The following TTC28 variants were observed in gnomAD, a reference collection of about 807,000 sequenced individuals.
TTC28 encodes tetratricopeptide repeat domain 28, also known as tetratricopeptide repeat protein 28.
In TTC28, 61 loss-of-function variants were observed where a neutral mutation model predicts 198.0. That is an observed-to-expected ratio of 0.31 (90% CI 0.25 to 0.38). The LOEUF is 0.38. TTC28 is among the 10% of genes least tolerant of loss of function. TTC28 has a pLI of 1.00. For synonymous variants in TTC28, 1,171 were observed against 1,297.8 expected, an observed-to-expected ratio of 0.90 and a Z score of 2.10; for missense variants, 2,678 against 3,164.0, an observed-to-expected ratio of 0.85 and a Z score of 3.69.
chr22:28,118,957 T>C (rs990614195), intron 6 of TTC28, among the ~76,000 whole-genome samples: 7 of 152,222 alleles, frequency 4.6e-5, no homozygotes, highest in African/African-American at 9.7e-5. Context: ...AAATTTTATA[T>C]CTGTTGCATG....
intron 9 of TTC28, 77 bp downstream of exon 9, chr22:28,101,094 A>ACTACT (rs1942134477): frequency 3.8e-6 from 4 of 1,060,544 alleles, no homozygotes; most frequent in Non-Finnish European, 5.4e-6. Flanking sequence ...AAATGCCATC[A>ACTACT]CTACTAGGAC....
Position 28,005,332 on chromosome 22 carries a change from G to A in TTC28, c.4219-3779C>T, listed in dbSNP as rs779954009. Among the ~76,000 whole-genome samples the A allele has an allele frequency of 2.6e-5, 4 of 152,206 alleles. No homozygotes were observed. The highest frequency in any genetic ancestry group is 3.2e-3 in the Middle Eastern group (1 of 316). ...GGGGCACGGTGATGACAGGGGTTCC[G>A]TGAAGGTGCAGTCTTTGTACAAGGA... On this transcript the variant is annotated intron_variant, in intron 14 of 22. Coordinates refer to ENST00000397906, the MANE Select transcript of TTC28 (RefSeq NM_001145418.2). The surrounding 1 kb of genome is among the most constrained non-coding windows in gnomAD (Gnocchi z 4.9).
At chr22:28,147,925 T>G (rs1943507326) in intron 6 of TTC28, among the ~76,000 whole-genome samples, 2 of 152,226 alleles carry the variant, frequency 1.3e-5, no homozygotes, top group Admixed American at 6.5e-5. Context: ...ATTAGTTTCC[T>G]AAGACTAGAT....
chr22:28,447,709 G>C (rs2047723282), intron 2 of TTC28, among the ~76,000 whole-genome samples: 1 of 152,154 alleles, frequency 6.6e-6, no homozygotes, highest in Non-Finnish European at 1.5e-5. Context: ...CAGAATCTGA[G>C]AACAGTAAAC....
chr22:28,378,967 T>C (rs1312266352), intron 2 of TTC28, among the ~76,000 whole-genome samples: 4 of 152,216 alleles, frequency 2.6e-5, no homozygotes, highest in Non-Finnish European at 5.9e-5. Context: ...AGACACATCA[T>C]AATCAATTTT....
chr22:28,378,964 T>C (rs1033552586), intron 2 of TTC28, among the ~76,000 whole-genome samples: 2 of 151,916 alleles, frequency 1.3e-5, no homozygotes, highest in South Asian at 2.1e-4. Flanking sequence ...CCAAGACACA[T>C]CATAATCAAT....
chr22:28,014,203 T>A, intron 14 of TTC28, 45 bp downstream of exon 14: 1 of 1,521,550 alleles, frequency 6.6e-7, no homozygotes, highest in Non-Finnish European at 8.8e-7. Flanking sequence ...TGGTAAGCGA[T>A]GTGTTCTGAT....
intron 2 of TTC28, among the ~76,000 whole-genome samples, chr22:28,429,968 G>A (rs1181037594): frequency 6.7e-6 from 1 of 148,708 alleles, no homozygotes; most frequent in Non-Finnish European, 1.5e-5. Context: ...AATGTGGGAT[G>A]TATTATTCTT....
At chr22:28,673,616 A>G (rs1324354923) in intron 1 of TTC28, among the ~76,000 whole-genome samples, 1 of 152,206 alleles carries the variant, frequency 6.6e-6, no homozygotes, top group Non-Finnish European at 1.5e-5. Context: ...AATTACTAAG[A>G]TTATTGTCCT....
chr22:28,085,135 C>A (rs138727553), intron 12 of TTC28, among the ~76,000 whole-genome samples: 1 of 152,024 alleles, frequency 6.6e-6, no homozygotes, highest in Non-Finnish European at 1.5e-5. Flanking sequence ...GGCAGGCCAA[C>A]ATTCAAATTC....
chr22:27,982,653 G>A lies in TTC28; in HGVS notation c.7014C>T (p.Asp2338=), dbSNP rs757420210. 133 of 1,551,600 alleles carry A rather than the reference G, an allele frequency of 8.6e-5. No individual in the cohort carries two copies. The highest frequency in any genetic ancestry group is 3.3e-4 in the Middle Eastern group (2 of 6,014). ...TTTTCAGTTTGTCTATGTCGGGAGC[G>A]TCTGCTGGACTTGAGCGAGCAGATC... The part of the protein sequence containing the change: ...SAGSARSSPA[D]APDIDKLKMA... The change falls in exon 23 of 23, where the codon GAC becomes GAT. Residue 2338 remains aspartate, a synonymous_variant. Coordinates refer to ENST00000397906, the MANE Select transcript of TTC28 (RefSeq NM_001145418.2). The surrounding 1 kb of genome is among the most constrained non-coding windows in gnomAD (Gnocchi z 5.2).
rs138689428 is a variant in TTC28 at position 28,374,657 on chromosome 22, G to C, written c.382-68014C>G. On this transcript the variant is annotated intron_variant, in intron 2 of 22. Coordinates refer to ENST00000397906, the MANE Select transcript of TTC28 (RefSeq NM_001145418.2). ...GAGACAAAGATTCAGACATCAAAGT[G>C]ATATACAAATATTAAGTTTTTTGTT... Among the ~76,000 whole-genome samples, 36 of 152,180 alleles carry C rather than the reference G, an allele frequency of 2.4e-4. No individual in the cohort carries two copies. In the East Asian group the frequency reaches 6.6e-3, roughly 28 times the overall value.
At chr22:28,020,045 A>G (rs1226751383) in intron 13 of TTC28, among the ~76,000 whole-genome samples, 5 of 152,206 alleles carry the variant, frequency 3.3e-5, no homozygotes, top group Non-Finnish European at 7.4e-5. Context: ...GACCTGCACA[A>G]AGCCACCAGG....
At chr22:28,117,729 C>A (rs1942671606) in intron 6 of TTC28, among the ~76,000 whole-genome samples, 1 of 152,152 alleles carries the variant, frequency 6.6e-6, no homozygotes, top group Admixed American at 6.5e-5. Flanking sequence ...CACCAGAACC[C>A]CCCTATTTAA....
Position 28,101,225 on chromosome 22 carries a change from A to T in TTC28, c.3363T>A (p.His1121Gln). Residue 1121 changes from histidine to glutamine, a missense_variant, in exon 9 of 23, where the codon CAT (histidine) becomes CAA (glutamine). Transcript: ENST00000397906. ...TAGCCCAAAGGGAGAGGCCAAGGCC[A>T]TGGCGAATTTTTGCCTCATCTTCTC... ...GRREDEAKIR[H>Q]GLGLSLWASG... The T allele has an allele frequency of 1.3e-6, 2 of 1,551,830 alleles. No individual in the cohort carries two copies. The highest frequency in any genetic ancestry group is 1.7e-6 in the Non-Finnish European group (2 of 1,147,008).
intron 5 of TTC28, among the ~76,000 whole-genome samples, chr22:28,196,690 G>T (rs1371100572): frequency 2.6e-5 from 4 of 152,282 alleles, no homozygotes; most frequent in African/African-American, 9.6e-5. Flanking sequence ...ATGAAAAAAT[G>T]CTCATCATCA....
chr22:28,600,332 GA>G (rs2050619120), intron 2 of TTC28, among the ~76,000 whole-genome samples: 1 of 152,086 alleles, frequency 6.6e-6, no homozygotes, highest in African/African-American at 2.4e-5. Context: ...TTGAGCCCAG[GA>G]GGTTGAGGCT....
intron 5 of TTC28, among the ~76,000 whole-genome samples, chr22:28,202,319 T>C (rs1362868574): frequency 1.3e-5 from 2 of 152,068 alleles, no homozygotes; most frequent in African/African-American, 2.4e-5. Flanking sequence ...GGAGGATTAC[T>C]TGAGGTCAGG....
intron 2 of TTC28, among the ~76,000 whole-genome samples, chr22:28,365,844 C>T (rs1569285173): frequency 6.6e-6 from 1 of 152,118 alleles, no homozygotes. Flanking sequence ...GAATCCAGTG[C>T]ACATTTCTAA....
Sources: allele counts gnomAD v4.1 joint callset (sites outside exome capture counted in the v4.1 genomes callset), GRCh38; gene constraint gnomAD v4.1.1; non-coding constraint Gnocchi (gnomAD v3.1); transcripts MANE v1.5; gene names NCBI Gene and HGNC (gene_info 2026-07-23, HGNC 2026-07-21).